The following PIEZO2 variants were observed in gnomAD, a reference collection of about 807,000 sequenced individuals.
PIEZO2 encodes the protein piezo type mechanosensitive ion channel component 2.
A neutral mutation model predicts 337.3 loss-of-function variants in PIEZO2; 172 were observed. That is an observed-to-expected ratio of 0.51 (90% CI 0.45 to 0.58). The LOEUF (loss-of-function observed/expected upper bound fraction) is 0.58, where lower values mean the gene tolerates loss of function less well. Ranked by LOEUF, PIEZO2 falls within the 20% of genes least tolerant of loss-of-function variation. The probability of loss-of-function intolerance (pLI) is 0.00; values close to 1 mark genes in which losing one functional copy is unlikely to be tolerated. For synonymous variants in PIEZO2, 1,251 were observed against 1,228.5 expected (o/e 1.02, Z -0.38); for missense variants, 3,028 against 3,391.3 (o/e 0.89, Z 2.66).
At position 10,869,900 on chromosome 18, in the gene PIEZO2, G is replaced by C. The variant is rs560187754; in HGVS notation, c.492+1353C>G. Among the ~76,000 whole-genome samples, 44 of 152,042 alleles carry C rather than the reference G, an allele frequency of 2.9e-4. No individual in the cohort carries two copies. The South Asian group carries it at 8.7e-3, about 30-fold the overall frequency. Reference sequence around the variant, plus strand: ...GACAATGTATATATTTTTTAAGACAGAGTCTCGCTCTGTCACCCAGACTGG... The same window carrying C: ...GACAATGTATATATTTTTTAAGACACAGTCTCGCTCTGTCACCCAGACTGG... On this transcript the variant is annotated intron_variant, in intron 5 of 55. Transcript: ENST00000674853.
chr18:11,128,936 T>C lies in PIEZO2; in HGVS notation c.64+19589A>G, dbSNP rs1331001072. The stretch of plus-strand genomic sequence containing the variant: ...ATCAGCCTGAATTTATTGATTTGGG[T>C]CCACTAAGTAAGGACTCAGTGTTTA... On this transcript the variant is annotated intron_variant, in intron 1 of 55. Transcript: ENST00000674853. This position sits in a 1 kb window ranked among gnomAD's most constrained non-coding sequence, Gnocchi z 4.1. Among the ~76,000 whole-genome samples the C allele has an allele frequency of 6.6e-6, 1 of 152,160 alleles. No homozygotes were observed. Among genetic ancestry groups the C allele is most frequent in the Non-Finnish European group, 1.5e-5 (1 of 68,034 alleles).
chr18:10,816,749 T>C (rs946051002), intron 7 of PIEZO2, among the ~76,000 whole-genome samples: 1 of 152,210 alleles, frequency 6.6e-6, no homozygotes. Flanking sequence ...ATGTAATTTA[T>C]GTCTTAGGGA....
chr18:10,801,511 G>C, intron 9 of PIEZO2, 83 bp from the exon 10 acceptor site: 1 of 1,259,162 alleles, frequency 7.9e-7, no homozygotes, highest in Admixed American at 2.1e-5. Context: ...GTTTTACTGT[G>C]CACAAGCCCA....
intron 2 of PIEZO2, among the ~76,000 whole-genome samples, chr18:11,012,994 T>C (rs2035957884): frequency 6.6e-6 from 1 of 152,102 alleles, no homozygotes; most frequent in Admixed American, 6.5e-5. Context: ...GAGTGAGCTG[T>C]GACTGCACTA....
At chr18:11,057,770 G>T (rs1347802630) in intron 2 of PIEZO2, among the ~76,000 whole-genome samples, 1 of 152,212 alleles carries the variant, frequency 6.6e-6, no homozygotes, top group Non-Finnish European at 1.5e-5. Context: ...GATTCTGTAA[G>T]TTGCAGCCCT....
chr18:10,722,819 T>C (rs2143975496), intron 36 of PIEZO2, among the ~76,000 whole-genome samples: 1 of 152,254 alleles, frequency 6.6e-6, no homozygotes, highest in East Asian at 1.9e-4. Context: ...ATGAAGAAGT[T>C]TCCATAGACA....
rs982377162 is a variant in PIEZO2, at chr18:11,104,215, C to G, written c.65-37993G>C. ...CACCAGGAGAATGGTCTATGTAACA[C>G]TTGGAGCCCAGAATTTGGAGGCTTT... On this transcript the variant is annotated intron_variant, in intron 1 of 55. Transcript: ENST00000674853. This position sits in a 1 kb window ranked among gnomAD's most constrained non-coding sequence, Gnocchi z 4.6. Among the ~76,000 whole-genome samples, 7 of 152,152 alleles carry G rather than the reference C, an allele frequency of 4.6e-5. No homozygotes were observed. The highest frequency in any genetic ancestry group is 1.7e-4 in the African/African-American group (7 of 41,430).
rs371163848 is a variant in PIEZO2, at chr18:11,032,831, G to A, written c.160+33296C>T. Among the ~76,000 whole-genome samples the A allele has an allele frequency of 1.2e-4, 18 of 152,134 alleles. No homozygotes were observed. Among genetic ancestry groups the A allele is most frequent in the East Asian group, 7.7e-4 (4 of 5,194 alleles). The stretch of plus-strand genomic sequence containing the variant: ...ATCGATAAGAACTCTTTTGGACCTC[G>A]CCTGTTTAAGTAGCCCACCCTAAGC... On this transcript the variant is annotated intron_variant, in intron 2 of 55. Transcript: ENST00000674853. This position sits in a 1 kb window ranked among gnomAD's most constrained non-coding sequence, Gnocchi z 4.9.
chr18:10,718,118 C>T, intron 37 of PIEZO2, 82 bp downstream of exon 37: 1 of 1,220,400 alleles, frequency 8.2e-7, no homozygotes, highest in Non-Finnish European at 1.2e-6. Context: ...CACAATTTTT[C>T]AGGCAGCCTT....
At chr18:11,025,074 G>A (rs919275113) in intron 2 of PIEZO2, among the ~76,000 whole-genome samples, 2 of 152,016 alleles carry the variant, frequency 1.3e-5, no homozygotes, top group African/African-American at 4.8e-5. Context: ...TCTCTTGAGG[G>A]GTGGAGTGCA....
chr18:10,932,032 C>G lies in PIEZO2; in HGVS notation c.287-20804G>C, dbSNP rs562449700. Among the ~76,000 whole-genome samples, 4 of 152,276 alleles carry G rather than the reference C, an allele frequency of 2.6e-5. No individual in the cohort carries two copies. The East Asian group carries it at 7.7e-4, about 29-fold the overall frequency. On this transcript the variant is annotated intron_variant, in intron 3 of 55. Transcript: ENST00000674853. ...AGTGAAAGAATGGCCTTGCTTATGA[C>G]TTTTCAAACTTATAACTAAAAATGT...
chr18:11,090,179 G>A (rs1222640434), intron 1 of PIEZO2, among the ~76,000 whole-genome samples: 1 of 152,146 alleles, frequency 6.6e-6, no homozygotes, highest in Non-Finnish European at 1.5e-5. Context: ...AACTGTAACG[G>A]TGCCTTTTCC....
At position 10,847,479 on chromosome 18, in the gene PIEZO2, C is replaced by G. The variant is rs938694552; in HGVS notation, c.917+7874G>C. 1.3e-5 allele frequency among the ~76,000 whole-genome samples: 2 copies of G among 152,170 alleles called. No individual in the cohort carries two copies. Among genetic ancestry groups the G allele is most frequent in the Non-Finnish European group, 2.9e-5 (2 of 68,040 alleles). On this transcript the variant is annotated intron_variant, in intron 7 of 55. Coordinates refer to ENST00000674853, the MANE Select transcript of PIEZO2 (RefSeq NM_001378183.1). This position sits in a 1 kb window ranked among gnomAD's most constrained non-coding sequence, Gnocchi z 5.7. ...CTTAGGTCACTGGGCTGGATAAACA[C>G]GCAGTGCAAAGGCCCGTGGGCTCGG...
intron 49 of PIEZO2, among the ~76,000 whole-genome samples, chr18:10,688,437 A>C (rs140168566): frequency 3.3e-4 from 51 of 152,336 alleles, no homozygotes; most frequent in Non-Finnish European, 6.2e-4. Flanking sequence ...TGTTAGCAGC[A>C]ACAGACAACT....
In PIEZO2 at chr18:10,962,718, T is replaced by A. The variant is rs965264860; in HGVS notation, c.286+16817A>T. Among the ~76,000 whole-genome samples the A allele has an allele frequency of 6.6e-6, 1 of 152,210 alleles. No individual in the cohort carries two copies. Among genetic ancestry groups the A allele is most frequent in the Non-Finnish European group, 1.5e-5 (1 of 68,034 alleles). ...GAGACGTAGTATCATCTCAGTTTTT[T>A]AATTTGTAATTTCATCCCCAAGATA... On this transcript the variant is annotated intron_variant, in intron 3 of 55. Coordinates refer to ENST00000674853, the MANE Select transcript of PIEZO2 (RefSeq NM_001378183.1). This position sits in a 1 kb window ranked among gnomAD's most constrained non-coding sequence, Gnocchi z 4.1.
intron 1 of PIEZO2, among the ~76,000 whole-genome samples, chr18:11,141,196 TGACGG>T: frequency 6.6e-6 from 1 of 152,330 alleles, no homozygotes; most frequent in Non-Finnish European, 1.5e-5. Context: ...TAGAACTGGC[TGACGG>T]GGCCTTCTAT....
chr18:10,924,898 A>G (rs1025688915), intron 3 of PIEZO2, among the ~76,000 whole-genome samples: 1 of 152,226 alleles, frequency 6.6e-6, no homozygotes, highest in African/African-American at 2.4e-5. Flanking sequence ...TTCGCTTGTT[A>G]AAATTAAATA....
chr18:10,891,249 G>A (rs1383598452), intron 4 of PIEZO2, among the ~76,000 whole-genome samples: 1 of 152,066 alleles, frequency 6.6e-6, no homozygotes, highest in African/African-American at 2.4e-5. Context: ...ACTTGAACCC[G>A]GGAGGCAGAG....
intron 2 of PIEZO2, among the ~76,000 whole-genome samples, chr18:11,062,394 CCAAAATTGA>C (rs2037997071): frequency 6.6e-6 from 1 of 152,084 alleles, no homozygotes; most frequent in Admixed American, 6.6e-5. Flanking sequence ...GCAACAAAAG[CCAAAATTGA>C]CAAATGGGAT....
Sources: allele counts gnomAD v4.1 joint callset (sites outside exome capture counted in the v4.1 genomes callset), GRCh38; gene constraint gnomAD v4.1.1; non-coding constraint Gnocchi (gnomAD v3.1); transcripts MANE v1.5; gene names NCBI Gene and HGNC (gene_info 2026-07-23, HGNC 2026-07-21).